SLC24A3: variants seen among roughly 807,000 people sequenced by gnomAD.
SLC24A3 encodes solute carrier family 24 member 3.
SLC24A3 carries 28 observed loss-of-function variants against 75.8 expected under a neutral mutation model. That is an observed-to-expected ratio of 0.37 (90% CI 0.27 to 0.51). The LOEUF (loss-of-function observed/expected upper bound fraction) is 0.51, where lower values mean the gene tolerates loss of function less well. Among genes scored for constraint, SLC24A3 ranks in the 20% least tolerant of loss-of-function variants. The pLI is 0.94. For missense variants in SLC24A3, 663 were observed against 847.8 expected, an observed-to-expected ratio of 0.78 and a Z score of 2.71; for synonymous variants, 372 against 334.1, an observed-to-expected ratio of 1.11 and a Z score of -1.24.
intron 2 of SLC24A3, among the ~76,000 whole-genome samples, chr20:19,469,928 A>G (rs1356343623): frequency 6.6e-6 from 1 of 152,174 alleles, no homozygotes; most frequent in Non-Finnish European, 1.5e-5. Context: ...GGTGACACCC[A>G]TGTTCATACT....
chr20:19,336,223 T>C (rs574948556), intron 2 of SLC24A3, among the ~76,000 whole-genome samples: 1 of 152,280 alleles, frequency 6.6e-6, no homozygotes, highest in South Asian at 2.1e-4. Context: ...TTTTTGTGAA[T>C]AAAGGTTTAC....
intron 9 of SLC24A3, among the ~76,000 whole-genome samples, chr20:19,681,408 G>A (rs777420049): frequency 1.3e-5 from 2 of 152,218 alleles, no homozygotes; most frequent in Non-Finnish European, 2.9e-5. Flanking sequence ...TTCCTGGGGA[G>A]TGGTGTGGAT....
intron 15 of SLC24A3, among the ~76,000 whole-genome samples, chr20:19,699,531 T>C (rs888324260): frequency 2.0e-5 from 3 of 152,242 alleles, no homozygotes; most frequent in African/African-American, 7.2e-5. Flanking sequence ...TTGGATGATA[T>C]GTTCTCTATA....
At chr20:19,327,606 T>C (rs2122287630) in intron 2 of SLC24A3, among the ~76,000 whole-genome samples, 1 of 152,342 alleles carries the variant, frequency 6.6e-6, no homozygotes, top group South Asian at 2.1e-4. Flanking sequence ...CTCTGATGAC[T>C]GTCTGTTCCA....
chr20:19,497,307 C>G (rs902341684), intron 2 of SLC24A3, among the ~76,000 whole-genome samples: 2 of 152,124 alleles, frequency 1.3e-5, no homozygotes, highest in Non-Finnish European at 2.9e-5. Flanking sequence ...GGGCTAGGAC[C>G]GTTTCATCTG....
intron 16 of SLC24A3, among the ~76,000 whole-genome samples, 196 bp from the exon 17 acceptor site, chr20:19,720,795 T>C (rs1476356110): frequency 1.3e-5 from 2 of 152,246 alleles, no homozygotes; most frequent in Admixed American, 6.5e-5. Flanking sequence ...TCTGGCTTCC[T>C]TTCTTCCTGA....
chr20:19,491,564 G>T (rs529080678), intron 2 of SLC24A3, among the ~76,000 whole-genome samples: 1 of 152,182 alleles, frequency 6.6e-6, no homozygotes, highest in East Asian at 1.9e-4. Flanking sequence ...GTCACCCCAG[G>T]CACTGAGTGG....
At position 19,681,928 on chromosome 20, in the gene SLC24A3, G is replaced by A. The variant is rs746782731; in HGVS notation, c.838G>A (p.Ala280Thr). The change falls in exon 10 of 17, where the codon GCC becomes ACC. Residue 280 changes from alanine to threonine, a missense_variant. Coordinates refer to ENST00000328041, the MANE Select transcript of SLC24A3 (RefSeq NM_020689.4). ...TGCCGGGAACATGGTCAACGGATTG[G>A]CCAACAATGCTGAAATTGATGACAG... is the stretch of plus-strand genomic sequence containing the variant. ...KGAGNMVNGL[A>T]NNAEIDDSSN... The A allele has an allele frequency of 8.1e-6, 13 of 1,614,162 alleles. No individual in the cohort carries two copies. The South Asian group carries it at 1.3e-4, about 16-fold the overall frequency.
intron 6 of SLC24A3, among the ~76,000 whole-genome samples, chr20:19,591,212 G>A (rs2031371957): frequency 6.6e-6 from 1 of 152,080 alleles, no homozygotes; most frequent in South Asian, 2.1e-4. Context: ...TTTGATCTGG[G>A]CTCACAAAAC....
chr20:19,322,350 TTTCCTTCCTTCCTTCCCTTCCTTCCTTCC>T (rs1278434772), intron 2 of SLC24A3, among the ~76,000 whole-genome samples: 1,565 of 114,186 alleles, frequency 0.014, 26 homozygotes, highest in East Asian at 0.027. Flanking sequence ...TTGAGCCTTC[TTTCCTTCCTTCCTTCCCTTCCTTCCTTCC>T]TTCCTTCCTT....
intron 1 of SLC24A3, among the ~76,000 whole-genome samples, chr20:19,250,422 T>C (rs1378229627): frequency 6.6e-6 from 1 of 152,220 alleles, no homozygotes; most frequent in Non-Finnish European, 1.5e-5. Flanking sequence ...CAGTCTAAAC[T>C]TGCATAGTTG....
At chr20:19,243,817 C>T (rs1405386301) in intron 1 of SLC24A3, 4 of 152,250 alleles carry the variant, frequency 2.6e-5, no homozygotes, top group Admixed American at 1.3e-4. Flanking sequence ...GCACCACGCT[C>T]CTCTCTCCCC....
At chr20:19,666,795 G>A (rs1266747911) in intron 8 of SLC24A3, among the ~76,000 whole-genome samples, 2 of 152,148 alleles carry the variant, frequency 1.3e-5, no homozygotes, top group African/African-American at 4.8e-5. Context: ...AACAGAAACT[G>A]TTGCCCAAAT....
At chr20:19,479,151 A>G (rs1272911067) in intron 2 of SLC24A3, among the ~76,000 whole-genome samples, 3 of 152,148 alleles carry the variant, frequency 2.0e-5, no homozygotes, top group African/African-American at 7.2e-5. Flanking sequence ...TCAGAGAGTC[A>G]TAGAGTACCA....
At chr20:19,306,467 T>C (rs1203973798) in intron 2 of SLC24A3, among the ~76,000 whole-genome samples, 3 of 152,274 alleles carry the variant, frequency 2.0e-5, no homozygotes, top group East Asian at 3.9e-4. Flanking sequence ...CCATCAATGG[T>C]GGACTGGATA....
intron 2 of SLC24A3, among the ~76,000 whole-genome samples, chr20:19,438,566 C>G (rs569891387): frequency 6.6e-6 from 1 of 151,896 alleles, no homozygotes; most frequent in African/African-American, 2.4e-5. Context: ...GTCTCTGCAC[C>G]TAGCACCCCT....
intron 2 of SLC24A3, among the ~76,000 whole-genome samples, chr20:19,394,430 G>A (rs1986417903): frequency 6.6e-6 from 1 of 152,130 alleles, no homozygotes; most frequent in South Asian, 2.1e-4. Context: ...AACCTACAGA[G>A]TGGGAGAAAA....
At chr20:19,658,732 A>C (rs1371371673) in intron 7 of SLC24A3, among the ~76,000 whole-genome samples, 4 of 152,088 alleles carry the variant, frequency 2.6e-5, no homozygotes, top group African/African-American at 9.7e-5. Flanking sequence ...CTCTTTTTGC[A>C]AGACAGACAT....
chr20:19,602,195 A>C (rs1278524557), intron 6 of SLC24A3, among the ~76,000 whole-genome samples: 3 of 152,176 alleles, frequency 2.0e-5, no homozygotes, highest in African/African-American at 7.2e-5. Context: ...ATAAGTTATT[A>C]TTGTTATTGT....
Sources: gnomAD v4.1 joint callset for allele counts (sites outside exome capture counted in the v4.1 genomes callset) on GRCh38, gnomAD v4.1.1 for gene constraint, MANE v1.5 for transcripts, NCBI Gene and HGNC (gene_info 2026-07-23, HGNC 2026-07-21) for gene names.